The following UTS2B variants were observed in gnomAD, a reference collection of about 807,000 sequenced individuals.
UTS2B encodes the protein urotensin 2B.
A neutral mutation model predicts 19.2 loss-of-function variants in UTS2B; 21 were observed. The ratio of observed to expected loss-of-function variants is 1.09; its 90% CI spans 0.78 to 1.58. The LOEUF is 1.58. UTS2B is among the 40% of genes most tolerant of loss of function. The pLI is 0.00. For missense variants in UTS2B, 138 were observed against 130.3 expected, an observed-to-expected ratio of 1.06 and a Z score of -0.29; for synonymous variants, 57 against 50.2, an observed-to-expected ratio of 1.14 and a Z score of -0.58.
chr3:191,319,655 C>G (rs561824021), intron 2 of UTS2B, among the ~76,000 whole-genome samples: 78 of 147,964 alleles, frequency 5.3e-4, no homozygotes, highest in Admixed American at 2.5e-3. Context: ...GTCAGGAGTT[C>G]AAGACCAGCC....
At position 191,306,489 on chromosome 3, in the gene UTS2B, C is replaced by T. The variant is rs79081493; in HGVS notation, c.-181-1941G>A. ...TCCCAAAATGACATACAATAGCAAC[C>T]AGATTTCATTTTACTTTCAAAAATT... On this transcript the variant is annotated intron_variant, in intron 3 of 8. Transcript: ENST00000340524. 2.6e-3 allele frequency among the ~76,000 whole-genome samples: 395 copies of T among 152,170 alleles called. 2 individuals carry two copies. Among genetic ancestry groups the T allele is most frequent in the African/African-American group, 8.6e-3 (356 of 41,510 alleles).
intron 8 of UTS2B, among the ~76,000 whole-genome samples, chr3:191,269,275 C>T (rs1430855130): frequency 6.6e-6 from 1 of 152,150 alleles, no homozygotes; most frequent in Non-Finnish European, 1.5e-5. Context: ...TGATAAATTT[C>T]TATGTGCTTG....
At chr3:191,337,047 A>G in the UTS2B span, among the ~76,000 whole-genome samples, 1 of 151,754 alleles carries the variant, frequency 6.6e-6, no homozygotes, top group Non-Finnish European at 1.5e-5. Context: ...GAACATAGCC[A>G]TACTTATTCA....
At chr3:191,270,801 G>C (rs917628416) in intron 8 of UTS2B, among the ~76,000 whole-genome samples, 1 of 151,900 alleles carries the variant, frequency 6.6e-6, no homozygotes, top group African/African-American at 2.4e-5. Context: ...GACCCATAGA[G>C]AGTTGTTTTT....
chr3:191,336,075 T>C, the UTS2B span, among the ~76,000 whole-genome samples: 1 of 152,046 alleles, frequency 6.6e-6, no homozygotes, highest in Non-Finnish European at 1.5e-5. Flanking sequence ...GAAGAACATA[T>C]GAGTTTTCAG....
chr3:191,289,454 C>A (rs56148536), intron 4 of UTS2B, among the ~76,000 whole-genome samples: 45,881 of 100,818 alleles, frequency 0.46, 8,006 homozygotes, highest in Middle Eastern at 0.54. Context: ...AAATAAAAAA[C>A]AAACGAAATT....
intron 4 of UTS2B, among the ~76,000 whole-genome samples, chr3:191,290,186 C>A (rs1716674061): frequency 1.3e-5 from 2 of 152,084 alleles, no homozygotes; most frequent in Admixed American, 1.3e-4. Flanking sequence ...AATCTTTTAT[C>A]TCTCTCTCTC....
intron 4 of UTS2B, among the ~76,000 whole-genome samples, chr3:191,284,812 T>C (rs1716490352): frequency 6.6e-6 from 1 of 152,046 alleles, no homozygotes; most frequent in African/African-American, 2.4e-5. Context: ...TTAGGTAATA[T>C]TGGCAAAGTG....
At chr3:191,317,295 C>A (rs1717486737) in intron 2 of UTS2B, among the ~76,000 whole-genome samples, 1 of 152,148 alleles carries the variant, frequency 6.6e-6, no homozygotes, top group South Asian at 2.1e-4. Context: ...TCTCTGAGTG[C>A]GGGGGGGCCT....
At chr3:191,276,149 T>C (rs1716229974) in intron 7 of UTS2B, among the ~76,000 whole-genome samples, 1 of 152,236 alleles carries the variant, frequency 6.6e-6, no homozygotes, top group East Asian at 1.9e-4. Flanking sequence ...TTTTTAATTT[T>C]AATAAGGTTA....
At chr3:191,278,594 T>G (rs907478806) in intron 5 of UTS2B, among the ~76,000 whole-genome samples, 3 of 152,008 alleles carry the variant, frequency 2.0e-5, no homozygotes, top group Non-Finnish European at 4.4e-5. Context: ...ATATACACAT[T>G]TATATATATA....
intron 4 of UTS2B, among the ~76,000 whole-genome samples, chr3:191,284,194 C>T (rs1266001635): frequency 9.2e-6 from 1 of 108,722 alleles, no homozygotes; most frequent in African/African-American, 2.6e-5. Flanking sequence ...TAAGATTATT[C>T]TATTTTTTAA....
chr3:191,293,425 C>A (rs1230064573), intron 4 of UTS2B, among the ~76,000 whole-genome samples: 1 of 149,962 alleles, frequency 6.7e-6, no homozygotes, highest in Non-Finnish European at 1.5e-5. Context: ...CTTTTTACTT[C>A]TATAGATCAA....
intron 6 of UTS2B, among the ~76,000 whole-genome samples, chr3:191,277,819 C>CT (rs199659226): frequency 6.0e-4 from 91 of 151,194 alleles, no homozygotes; most frequent in African/African-American, 1.8e-3. Flanking sequence ...TAAAGGTAAC[C>CT]TTTTTTTTTA....
intron 7 of UTS2B, 129 bp downstream of exon 7, chr3:191,276,678 G>A (rs1201580286): frequency 2.9e-5 from 21 of 718,086 alleles, no homozygotes; most frequent in African/African-American, 9.1e-5. Flanking sequence ...ACAGCTTCAC[G>A]CTTTGTTTAG....
rs1273989868 is a variant in UTS2B at position 191,267,846 on chromosome 3, AAC to A, written c.*568_*569del. The A allele has an allele frequency of 6.6e-6, 1 of 152,246 alleles. No homozygotes were observed. The highest frequency in any genetic ancestry group is 1.5e-5 in the Non-Finnish European group (1 of 68,056). 9.4% of individuals were successfully genotyped at this position (152,246 alleles called of 1,614,324 possible). A position where few individuals can be genotyped will look rare whatever the true frequency, so the allele number is the denominator to read the frequency against. Reference sequence around the variant, plus strand: ...ATTTCTAACAGAGCCTTAAAACAGAAACACAATCTTTCCATAACCTATGATTA... The same window carrying A: ...ATTTCTAACAGAGCCTTAAAACAGAAACAATCTTTCCATAACCTATGATTA... On this transcript the variant is annotated 3_prime_UTR_variant, in exon 9 of 9. Transcript: ENST00000340524.
intron 5 of UTS2B, among the ~76,000 whole-genome samples, chr3:191,279,715 T>G (rs1365291590): frequency 6.6e-6 from 1 of 152,048 alleles, no homozygotes; most frequent in Non-Finnish European, 1.5e-5. Flanking sequence ...CCTCCATAAC[T>G]CTTTGTCCTC....
At chr3:191,345,597 T>C in the UTS2B span, among the ~76,000 whole-genome samples, 1 of 152,214 alleles carries the variant, frequency 6.6e-6, no homozygotes, top group South Asian at 2.1e-4. Flanking sequence ...ACTTCTGATG[T>C]GAGGACTTAT....
intron 8 of UTS2B, among the ~76,000 whole-genome samples, chr3:191,271,558 A>C (rs187106973): frequency 6.6e-6 from 1 of 152,116 alleles, no homozygotes; most frequent in South Asian, 2.1e-4. Context: ...TCCCAGAAAC[A>C]GTTTTTTTAC....
Sources: allele counts gnomAD v4.1 joint callset (sites outside exome capture counted in the v4.1 genomes callset), GRCh38; gene constraint gnomAD v4.1.1; transcripts MANE v1.5; gene names NCBI Gene and HGNC (gene_info 2026-07-23, HGNC 2026-07-21).